The following CSMD1 variants were observed in gnomAD, a reference collection of about 807,000 sequenced individuals.
CSMD1 encodes CUB and Sushi multiple domains 1.
A neutral mutation model predicts 417.5 loss-of-function variants in CSMD1; 213 were observed. That is an observed-to-expected ratio of 0.51 (90% CI 0.46 to 0.57). The LOEUF (loss-of-function observed/expected upper bound fraction) is 0.57. Among genes scored for constraint, CSMD1 ranks in the 20% least tolerant of loss-of-function variants. CSMD1 has a pLI of 0.00. For synonymous variants in CSMD1, 2,862 were observed against 1,736.8 expected (o/e 1.65, Z -16.11); for missense variants, 6,923 against 4,529.7 (o/e 1.53, Z -15.17).
intron 1 of CSMD1, among the ~76,000 whole-genome samples, chr8:4,712,260 G>A (rs971031347): frequency 6.6e-6 from 1 of 152,192 alleles, no homozygotes; most frequent in East Asian, 1.9e-4. Flanking sequence ...AAAATTGGCT[G>A]AGGATACATG....
In CSMD1 at chr8:3,919,091, T is replaced by A. The variant is rs543643764; in HGVS notation, c.818+78812A>T. Among the ~76,000 whole-genome samples, 288 of 151,910 alleles carry A rather than the reference T, an allele frequency of 1.9e-3. 1 individual carries two copies. The highest frequency in any genetic ancestry group is 6.6e-3 in the African/African-American group (274 of 41,428). On this transcript the variant is annotated intron_variant, in intron 5 of 69. Coordinates refer to ENST00000635120, the MANE Select transcript of CSMD1 (RefSeq NM_033225.6). The stretch of plus-strand genomic sequence containing the variant: ...CCATTCCATAGGGTGATTTTTCATT[T>A]TGCAGATTGTTTCTTTTGCTGTGCA...
intron 49 of CSMD1, among the ~76,000 whole-genome samples, chr8:3,084,925 T>C (rs1393087162): frequency 1.1e-5 from 1 of 89,612 alleles, no homozygotes; most frequent in Non-Finnish European, 2.7e-5. Context: ...TTATAATCTA[T>C]ATATATAATG....
intron 3 of CSMD1, among the ~76,000 whole-genome samples, chr8:4,120,065 T>A (rs964853588): frequency 6.6e-6 from 1 of 152,210 alleles, no homozygotes; most frequent in African/African-American, 2.4e-5. Context: ...ATAATTGGAT[T>A]ATTTGTAATA....
At chr8:3,855,000 C>T (rs1243867926) in intron 5 of CSMD1, among the ~76,000 whole-genome samples, 1 of 152,110 alleles carries the variant, frequency 6.6e-6, no homozygotes, top group Non-Finnish European at 1.5e-5. Context: ...GTAATCCATA[C>T]AGCCATACAC....
intron 30 of CSMD1, among the ~76,000 whole-genome samples, chr8:3,208,927 G>A (rs1380508175): frequency 6.6e-6 from 1 of 152,078 alleles, no homozygotes; most frequent in Non-Finnish European, 1.5e-5. Flanking sequence ...GGGAATTTGT[G>A]ATCATGTGAG....
chr8:4,269,846 C>G (rs1028496301), intron 3 of CSMD1, among the ~76,000 whole-genome samples: 1 of 152,116 alleles, frequency 6.6e-6, no homozygotes, highest in African/African-American at 2.4e-5. Flanking sequence ...TATCCTTCCC[C>G]TACAAAATGT....
chr8:3,992,245 C>G (rs1434524585), intron 5 of CSMD1, among the ~76,000 whole-genome samples: 1 of 151,876 alleles, frequency 6.6e-6, no homozygotes, highest in African/African-American at 2.4e-5. Context: ...AAAAACAACA[C>G]TTCTAAGCTC....
chr8:3,865,857 T>A (rs563046418), intron 5 of CSMD1, among the ~76,000 whole-genome samples: 4 of 152,180 alleles, frequency 2.6e-5, no homozygotes, highest in Admixed American at 6.5e-5. Context: ...TGGAAACACG[T>A]GTTATAGTAT....
intron 2 of CSMD1, among the ~76,000 whole-genome samples, chr8:4,610,358 T>A (rs918141408): frequency 6.6e-6 from 1 of 152,194 alleles, no homozygotes; most frequent in Non-Finnish European, 1.5e-5. Flanking sequence ...GTGAGTCACA[T>A]CAATCATTTA....
chr8:4,077,489 C>T (rs938888822), intron 3 of CSMD1, among the ~76,000 whole-genome samples: 1 of 152,018 alleles, frequency 6.6e-6, no homozygotes, highest in African/African-American at 2.4e-5. Context: ...GGCTTCACCT[C>T]AGTTTACTTG....
chr8:3,471,664 C>G (rs1817111995), intron 11 of CSMD1, among the ~76,000 whole-genome samples: 1 of 115,410 alleles, frequency 8.7e-6, no homozygotes, highest in Non-Finnish European at 1.8e-5. Context: ...TCCTTCCTTT[C>G]CCTCCCTCCC....
chr8:3,322,893 GC>G (rs1806247376), intron 23 of CSMD1, among the ~76,000 whole-genome samples: 1 of 152,292 alleles, frequency 6.6e-6, no homozygotes, highest in Admixed American at 6.5e-5. Context: ...CTTAGGAAGT[GC>G]TGTGATTCCT....
intron 1 of CSMD1, among the ~76,000 whole-genome samples, chr8:4,822,222 G>A (rs1177996496): frequency 6.6e-6 from 1 of 152,088 alleles, no homozygotes; most frequent in South Asian, 2.1e-4. Flanking sequence ...GTGGGGGTTT[G>A]CAACTTACTT....
chr8:4,000,183 C>A (rs751777504), intron 4 of CSMD1, among the ~76,000 whole-genome samples: 1 of 151,660 alleles, frequency 6.6e-6, no homozygotes, highest in African/African-American at 2.4e-5. Context: ...CTGCCCAGCT[C>A]GCCGCAGTTT....
chr8:4,608,641 T>A (rs1174095722), intron 2 of CSMD1, among the ~76,000 whole-genome samples: 1 of 152,194 alleles, frequency 6.6e-6, no homozygotes, highest in African/African-American at 2.4e-5. Context: ...CGCCATACAT[T>A]TTTAATCACC....
intron 2 of CSMD1, among the ~76,000 whole-genome samples, chr8:4,501,676 T>C (rs1402547947): frequency 6.6e-6 from 1 of 152,202 alleles, no homozygotes. Context: ...ACATGAATCA[T>C]TCCTTTGTCC....
At chr8:3,262,400 C>G (rs1020898933) in intron 26 of CSMD1, among the ~76,000 whole-genome samples, 2 of 151,250 alleles carry the variant, frequency 1.3e-5, no homozygotes, top group East Asian at 3.9e-4. Flanking sequence ...TATCCATTTT[C>G]AGCATCACCC....
chr8:3,380,171 C>T (rs1563328771), intron 18 of CSMD1, among the ~76,000 whole-genome samples: 1 of 152,236 alleles, frequency 6.6e-6, no homozygotes, highest in African/African-American at 2.4e-5. Context: ...GAGAAATGCA[C>T]ATCGAAACCA....
At chr8:3,735,443 A>T (rs532990397) in intron 6 of CSMD1, among the ~76,000 whole-genome samples, 41 of 152,344 alleles carry the variant, frequency 2.7e-4, no homozygotes, top group South Asian at 8.3e-4. Flanking sequence ...TACAAAATGC[A>T]GGTATTAGGC....
Sources: allele counts gnomAD v4.1 joint callset (sites outside exome capture counted in the v4.1 genomes callset), GRCh38; gene constraint gnomAD v4.1.1; transcripts MANE v1.5; gene names NCBI Gene and HGNC (gene_info 2026-07-23, HGNC 2026-07-21).